GTPBP6: variants seen among roughly 807,000 people sequenced by gnomAD.
GTPBP6 encodes the protein putative GTP-binding protein 6.
A neutral mutation model predicts 28.9 loss-of-function variants in GTPBP6; 33 were observed. That is an observed-to-expected ratio of 1.14 (90% CI 0.87 to 1.53). The LOEUF (loss-of-function observed/expected upper bound fraction) is 1.53, where lower values mean the gene tolerates loss of function less well. Among genes scored for constraint, GTPBP6 ranks in the 40% most tolerant of loss-of-function variants. The pLI is 0.00. For synonymous variants in GTPBP6, 231 were observed against 192.7 expected, an observed-to-expected ratio of 1.20 and a Z score of -1.65; for missense variants, 507 against 408.3, an observed-to-expected ratio of 1.24 and a Z score of -2.08.
chrX:317,259 C>A (rs1406627399), intron 1 of GTPBP6, among the ~76,000 whole-genome samples: 2 of 152,094 alleles, frequency 1.3e-5, no homozygotes, highest in Non-Finnish European at 2.9e-5. Context: ...CAGCGGGACA[C>A]GAGGGCGACC....
At position 312,079 on chromosome X, in the gene GTPBP6, G is replaced by A. The variant is rs866285325; in HGVS notation, c.917-452C>T. 1.5e-5 allele frequency: 7 copies of A among 452,246 alleles called. 1 individual carries two copies. The highest frequency in any genetic ancestry group is 1.2e-4 in the South Asian group (7 of 57,668). The allele number at this position is 452,246 out of a possible 1,614,324, so 28.0% of individuals were successfully genotyped here. Reference sequence around the variant, plus strand: ...GAAGGATGGTGTAGACAGAGGAGAGGCGATGGTGTAGACAGATGGGTGGAT... The same window carrying A: ...GAAGGATGGTGTAGACAGAGGAGAGACGATGGTGTAGACAGATGGGTGGAT... On this transcript the variant is annotated intron_variant, in intron 6 of 9. Coordinates refer to ENST00000326153, the Ensembl canonical transcript of GTPBP6.
At position 306,472 on chromosome X, in the gene GTPBP6, ATT is replaced by A. The variant is rs778798220; in HGVS notation, c.1427+886_1427+887del. ...GTTGTATCCACAGTCAGAAATGTACATTGAGTGTCAGCACACATTAGGCACCT... is the reference window on the plus strand; with the variant it reads ...GTTGTATCCACAGTCAGAAATGTACAGAGTGTCAGCACACATTAGGCACCT... On this transcript the variant is annotated intron_variant, in intron 9 of 9. Transcript: ENST00000326153. Among the ~76,000 whole-genome samples the A allele has an allele frequency of 2.6e-3, 375 of 144,294 alleles. 1 individual carries two copies. Among genetic ancestry groups the A allele is most frequent in the Non-Finnish European group, 3.9e-3 (265 of 67,476 alleles). 94.7% of individuals were successfully genotyped at this position (144,294 alleles called of 152,430 possible).
chrX:312,479 T>C (rs933632646), intron 6 of GTPBP6: 10 of 561,950 alleles, frequency 1.8e-5, no homozygotes, highest in Non-Finnish European at 3.0e-5. Flanking sequence ...GATTGTGGTA[T>C]AGACAGGGTG....
chrX:313,154 G>A (rs55804413), intron 5 of GTPBP6, among the ~76,000 whole-genome samples: 272 of 152,356 alleles, frequency 1.8e-3, no homozygotes, highest in Middle Eastern at 6.8e-3. Flanking sequence ...GTCAACGAGG[G>A]CTTCCCGTGA....
chrX:304,945 G>A lies in GTPBP6; in HGVS notation c.*129C>T, dbSNP rs1214732705. On this transcript the variant is annotated 3_prime_UTR_variant, in exon 10 of 10. Transcript: ENST00000326153. Reference sequence around the variant, plus strand: ...GTCATCCCAGCAAATGGCTGGGAGCGAGACGGGTGCAGAACCAGACAAGGA... The same window carrying A: ...GTCATCCCAGCAAATGGCTGGGAGCAAGACGGGTGCAGAACCAGACAAGGA... 63 of 1,477,654 alleles carry A rather than the reference G, an allele frequency of 4.3e-5. No individual in the cohort carries two copies. The Middle Eastern group carries it at 7.4e-4, about 17-fold the overall frequency. 91.5% of individuals were successfully genotyped at this position (1,477,654 alleles called of 1,614,324 possible). A position where few individuals can be genotyped will look rare whatever the true frequency, so the allele number is the denominator to read the frequency against.
intron 3 of GTPBP6, 89 bp downstream of exon 3, chrX:315,140 C>T (rs2070405724): frequency 2.5e-6 from 1 of 397,426 alleles, no homozygotes; most frequent in African/African-American, 2.1e-5. Context: ...CTGTCCCCAT[C>T]TGTCCCCCGC....
At chrX:310,241 C>T (rs1234382533) in intron 7 of GTPBP6, among the ~76,000 whole-genome samples, 3 of 151,006 alleles carry the variant, frequency 2.0e-5, no homozygotes, top group Non-Finnish European at 2.9e-5. Context: ...TTAGGGTGGA[C>T]CCTAAATCTA....
exon 3 of GTPBP6, chrX:315,298 T>C (rs1315270743): frequency 1.3e-5 from 5 of 398,474 alleles, no homozygotes; most frequent in Non-Finnish European, 2.2e-5. Context: ...CTCGGATCTT[T>C]TCTAACAGAA....
At chrX:305,710 G>A (rs1331722853) in intron 9 of GTPBP6, among the ~76,000 whole-genome samples, 1 of 146,552 alleles carries the variant, frequency 6.8e-6, no homozygotes, top group Admixed American at 6.7e-5. Context: ...CTGCAACCTC[G>A]GCCTCCTGGG....
At chrX:313,364 C>A (rs1810210877) in intron 5 of GTPBP6, among the ~76,000 whole-genome samples, 1 of 152,156 alleles carries the variant, frequency 6.6e-6, no homozygotes, top group African/African-American at 2.4e-5. Context: ...AAGGCAACGA[C>A]CTGTGTCCTT....
At position 316,972 on chromosome X, in the gene GTPBP6, GGACACGACCATTGTCT is replaced by G; in HGVS notation, c.413_428del (p.Gln138ProfsTer19). 2.5e-6 allele frequency: 1 copy of G among 398,670 alleles called. No individual in the cohort carries two copies. Among genetic ancestry groups the G allele is most frequent in the Non-Finnish European group, 4.4e-6 (1 of 226,120 alleles). The allele number at this position is 398,670 out of a possible 1,614,324, so 24.7% of individuals were successfully genotyped here. On this transcript the variant is annotated frameshift_variant, in exon 2 of 10. Coordinates refer to ENST00000326153, the Ensembl canonical transcript of GTPBP6. LOFTEE classifies it high-confidence loss of function. ...TGAGCTTCCTGTCCGGCGTTTTGGT[GGACACGACCATTGTCT>G]GCACCACGGACCAGCCGTCCAGCGT...
At position 311,250 on chromosome X, in the gene GTPBP6, C is replaced by G. The variant is rs746700441; in HGVS notation, c.1125+169G>C. Among the ~76,000 whole-genome samples the G allele has an allele frequency of 5.1e-3, 511 of 100,332 alleles. 6 individuals are homozygous for G. Among genetic ancestry groups the G allele is most frequent in the African/African-American group, 0.018 (491 of 27,128 alleles). 65.8% of individuals were successfully genotyped at this position (100,332 alleles called of 152,430 possible). ...TGTCTGAGTGCCTGGTCCCCGTGCC[C>G]AGTGGGTGTCCGAGGGCCTGGCCCC... On this transcript the variant is annotated intron_variant, in intron 7 of 9. Coordinates refer to ENST00000326153, the Ensembl canonical transcript of GTPBP6.
exon 4 of GTPBP6, chrX:314,946 G>A (rs1481670426): frequency 6.6e-4 from 264 of 398,754 alleles, no homozygotes; most frequent in African/African-American, 4.6e-3. Flanking sequence ...TCGTGCGGGC[G>A]TTACAGCGGA....
chrX:312,846 C>G, exon 6 of GTPBP6: 1 of 1,612,806 alleles, frequency 6.2e-7, no homozygotes, highest in Non-Finnish European at 8.5e-7. Flanking sequence ...CCTCTTCTTG[C>G]GAAGCCTGTC....
intron 6 of GTPBP6, chrX:311,892 G>A (rs1350647462): frequency 6.6e-6 from 4 of 603,240 alleles, no homozygotes; most frequent in Non-Finnish European, 1.2e-5. Flanking sequence ...TGAAGGCGTG[G>A]ATGGGAGTGA....
chrX:318,287 T>TC (rs1229083271), intron 1 of GTPBP6, among the ~76,000 whole-genome samples, 152 bp downstream of exon 1: 16 of 139,588 alleles, frequency 1.1e-4, no homozygotes, highest in African/African-American at 2.7e-4. Flanking sequence ...TATGAGATTC[T>TC]CCCCACAGAA....
intron 6 of GTPBP6, 122 bp downstream of exon 6, chrX:312,644 G>T: frequency 9.8e-7 from 1 of 1,018,742 alleles, no homozygotes. Context: ...TCCTGGGCAC[G>T]TGCTCACCGC....
exon 10 of GTPBP6, chrX:305,038 G>A (rs9551): frequency 0.22 from 355,348 of 1,605,644 alleles, 43,920 homozygotes; most frequent in African/African-American, 0.52. Flanking sequence ...CCCAGGCAGC[G>A]ATGCCCCCAC....
At chrX:316,803 C>T (rs1267945846) in intron 2 of GTPBP6, 111 bp downstream of exon 2, 1 of 398,656 alleles carries the variant, frequency 2.5e-6, no homozygotes. Context: ...GAGGCCGCTT[C>T]CCCTCTGGCC....
Sources: gnomAD v4.1 joint callset for allele counts (sites outside exome capture counted in the v4.1 genomes callset) on GRCh38, gnomAD v4.1.1 for gene constraint, MANE v1.5 for transcripts, NCBI Gene and HGNC (gene_info 2026-07-23, HGNC 2026-07-21) for gene names.